WDR64: variants seen among roughly 807,000 people sequenced by gnomAD.
WDR64 encodes WD repeat-containing protein 64.
In WDR64, 112 loss-of-function variants were observed where a neutral mutation model predicts 139.3. That is an observed-to-expected ratio of 0.80 (90% CI 0.69 to 0.94). The LOEUF is 0.94. Ranked by LOEUF, WDR64 falls within the 40% of genes least tolerant of loss-of-function variation. WDR64 has a pLI of 0.00. For synonymous variants in WDR64, 444 were observed against 437.7 expected (o/e 1.01, Z -0.18); for missense variants, 1,206 against 1,293.1 (o/e 0.93, Z 1.03).
At chr1:241,719,149 T>G (rs930308139) in intron 9 of WDR64, among the ~76,000 whole-genome samples, 2 of 152,116 alleles carry the variant, frequency 1.3e-5, no homozygotes, top group African/African-American at 4.8e-5. Flanking sequence ...CCAAAAAAAT[T>G]AGATGAACAT....
chr1:241,729,242 G>A (rs908389817), intron 10 of WDR64, among the ~76,000 whole-genome samples: 2 of 152,096 alleles, frequency 1.3e-5, no homozygotes, highest in Admixed American at 1.3e-4. Flanking sequence ...CATGGCCTTA[G>A]TTCAGACCCA....
intron 7 of WDR64, among the ~76,000 whole-genome samples, chr1:241,684,796 C>T (rs1666945213): frequency 6.6e-6 from 1 of 152,184 alleles, no homozygotes; most frequent in Admixed American, 6.6e-5. Flanking sequence ...CTCACTCTGT[C>T]GCCCAGGCTG....
chr1:241,760,759 A>ATTT (rs71174847), intron 15 of WDR64, among the ~76,000 whole-genome samples: 167 of 87,070 alleles, frequency 1.9e-3, no homozygotes, highest in African/African-American at 3.2e-3. Context: ...GTGGGTTTCC[A>ATTT]TTTTTTTTTT....
Position 241,696,245 on chromosome 1 carries a change from C to G in WDR64, c.974+8650C>G, listed in dbSNP as rs1460303860. 2.0e-5 allele frequency among the ~76,000 whole-genome samples: 3 copies of G among 149,506 alleles called. No individual in the cohort carries two copies. In the East Asian group the frequency reaches 6.2e-4, roughly 31 times the overall value. ...AGAAAGTTCCTTTCTCTGACCTCCT[C>G]TTTTATCTTATCAGCTCTTGAACAC... On this transcript the variant is annotated intron_variant, in intron 8 of 27. Coordinates refer to ENST00000437684, the MANE Select transcript of WDR64 (RefSeq NM_001367482.1).
intron 10 of WDR64, among the ~76,000 whole-genome samples, chr1:241,733,946 G>C (rs1458050992): frequency 6.6e-6 from 1 of 152,134 alleles, no homozygotes; most frequent in African/African-American, 2.4e-5. Flanking sequence ...AGGGGAATAA[G>C]TGAAAGAAGA....
chr1:241,738,395 AC>A lies in WDR64; in HGVS notation c.1228del (p.Leu410TyrfsTer20). The A allele has an allele frequency of 6.2e-7, 1 of 1,613,896 alleles. No individual in the cohort carries two copies. Among genetic ancestry groups the A allele is most frequent in the Non-Finnish European group, 8.5e-7 (1 of 1,179,856 alleles). On this transcript the variant is annotated frameshift_variant, in exon 11 of 28. Coordinates refer to ENST00000437684, the MANE Select transcript of WDR64 (RefSeq NM_001367482.1). LOFTEE classifies it high-confidence loss of function. Reference protein sequence around the residue: ...FRVWDIQTLSLLQVFHDSQGG... With the variant: ...FRVWDIQTLSXLQVFHDSQGG... ...GGGTGTGGGATATACAAACTCTTTC[AC>A]TATTACAAGTCTTCCATGACAGCCA...
rs769812765 is a variant in WDR64, at chr1:241,741,555, T to C, written c.1361T>C (p.Ile454Thr). The C allele has an allele frequency of 1.9e-6, 3 of 1,613,336 alleles. No homozygotes were observed. The South Asian group carries it at 3.3e-5, about 18-fold the overall frequency. Reference sequence around the variant, plus strand: ...GACATGTATCCTTTGACTAGGATGATACAAGATACAAAACAGGTTCCTCAC... The same window carrying C: ...GACATGTATCCTTTGACTAGGATGACACAAGATACAAAACAGGTTCCTCAC... ...VMDMYPLTRM[I>T]QDTKQVPHTH... The change falls in exon 12 of 28, where the codon ATA becomes ACA. Residue 454 changes from isoleucine (I) to threonine (T), a missense_variant. Physicochemically the swap from Ile to Thr is moderately conservative, Grantham distance 89. Coordinates refer to ENST00000437684, the MANE Select transcript of WDR64 (RefSeq NM_001367482.1).
At chr1:241,722,797 C>T (rs1468761289) in intron 9 of WDR64, among the ~76,000 whole-genome samples, 1 of 152,042 alleles carries the variant, frequency 6.6e-6, no homozygotes, top group East Asian at 1.9e-4. Flanking sequence ...AGTAACTACA[C>T]ATAAATTATA....
At chr1:241,786,577 G>C (rs561117591) in intron 23 of WDR64, among the ~76,000 whole-genome samples, 9 of 152,272 alleles carry the variant, frequency 5.9e-5, no homozygotes, top group African/African-American at 1.9e-4. Context: ...GAACTCAGTT[G>C]TAAAAATTAG....
At chr1:241,699,917 G>A (rs1667644608) in intron 8 of WDR64, among the ~76,000 whole-genome samples, 1 of 151,974 alleles carries the variant, frequency 6.6e-6, no homozygotes, top group Non-Finnish European at 1.5e-5. Context: ...CTTTAAACAA[G>A]AGAGTAAAAA....
chr1:241,771,989 T>TATATATATATATA (rs1658473235), intron 19 of WDR64, among the ~76,000 whole-genome samples: 1 of 131,698 alleles, frequency 7.6e-6, no homozygotes, highest in African/African-American at 2.8e-5. Context: ...TATATATATA[T>TATATATATATATA]TCTTTTTGGA....
At chr1:241,720,025 C>T (rs1002506527) in intron 9 of WDR64, among the ~76,000 whole-genome samples, 1 of 152,136 alleles carries the variant, frequency 6.6e-6, no homozygotes. Context: ...CAAGGTTCAG[C>T]TCCCACTTAT....
chr1:241,683,303 G>T, intron 6 of WDR64, among the ~76,000 whole-genome samples, 184 bp from the exon 7 acceptor site: 1 of 152,098 alleles, frequency 6.6e-6, no homozygotes, highest in South Asian at 2.1e-4. Context: ...TAACAATGTT[G>T]GGCTCACAGC....
intron 10 of WDR64, among the ~76,000 whole-genome samples, chr1:241,734,333 CT>C (rs1207183411): frequency 6.6e-6 from 1 of 152,118 alleles, no homozygotes; most frequent in Non-Finnish European, 1.5e-5. Flanking sequence ...TGAGGACCCC[CT>C]GAGTGAGGCT....
At chr1:241,665,446 AAC>A (rs1186496630) in intron 2 of WDR64, among the ~76,000 whole-genome samples, 2 of 152,216 alleles carry the variant, frequency 1.3e-5, no homozygotes, top group Non-Finnish European at 2.9e-5. Flanking sequence ...AGGTAATAAA[AAC>A]ACGATTTATT....
intron 8 of WDR64, among the ~76,000 whole-genome samples, chr1:241,709,830 C>A (rs1274926925): frequency 6.6e-6 from 1 of 152,126 alleles, no homozygotes; most frequent in Admixed American, 6.5e-5. Flanking sequence ...ATAGCCCTTT[C>A]ACAAGATACT....
At chr1:241,653,547 T>TC (rs202007235) in intron 1 of WDR64, among the ~76,000 whole-genome samples, 3,244 of 150,534 alleles carry the variant, frequency 0.022, 40 homozygotes, top group Middle Eastern at 0.027. Context: ...TCTTTTCTTT[T>TC]TTTTTTTTTT....
rs980433540 is a variant in WDR64 at position 241,683,330 on chromosome 1, T to G, written c.625-157T>G. ...GCTCACAGCGAGTGTTCTGTAACTT[T>G]TATTTGGTTAACTGGTTTTTTTCTC... On this transcript the variant is annotated intron_variant, in intron 6 of 27. Coordinates refer to ENST00000437684, the MANE Select transcript of WDR64 (RefSeq NM_001367482.1). Among the ~76,000 whole-genome samples the G allele has an allele frequency of 3.9e-5, 6 of 152,196 alleles. No homozygotes were observed. The South Asian group carries it at 1.0e-3, about 26-fold the overall frequency.
chr1:241,711,593 A>G (rs1278626841), intron 8 of WDR64, among the ~76,000 whole-genome samples: 1 of 152,214 alleles, frequency 6.6e-6, no homozygotes, highest in Non-Finnish European at 1.5e-5. Context: ...CAGGAACAAT[A>G]CAAAGTACTA....
Sources: allele counts gnomAD v4.1 joint callset (sites outside exome capture counted in the v4.1 genomes callset), GRCh38; gene constraint gnomAD v4.1.1; transcripts MANE v1.5; gene names NCBI Gene and HGNC (gene_info 2026-07-23, HGNC 2026-07-21).